Variants in ATP9B observed in about 807,000 individuals in gnomAD.
The protein encoded by ATP9B is probable phospholipid-transporting ATPase IIB.
Under a neutral mutation model 146.1 loss-of-function variants are expected in ATP9B, and 110 were observed. The observed-to-expected ratio is 0.75, with a 90% CI of 0.65 to 0.88. The LOEUF (loss-of-function observed/expected upper bound fraction) is 0.88. Ranked by LOEUF, ATP9B falls within the 40% of genes least tolerant of loss-of-function variation. The probability of loss-of-function intolerance (pLI) is 0.00; values close to 1 mark genes in which losing one functional copy is unlikely to be tolerated. For missense variants in ATP9B, 1,499 were observed against 1,496.4 expected, an observed-to-expected ratio of 1.00 and a Z score of -0.03; for synonymous variants, 604 against 569.7, an observed-to-expected ratio of 1.06 and a Z score of -0.86.
Position 79,069,438 on chromosome 18 carries a change from G to C in ATP9B, c.28G>C (p.Val10Leu), listed in dbSNP as rs1430123096. Reference sequence around the variant, plus strand: ...GGCGGACCAGATCCCGCTTTACCCGGTGCGTAGCGCAGCGGCGGCCGCAGC... The same window carrying C: ...GGCGGACCAGATCCCGCTTTACCCGCTGCGTAGCGCAGCGGCGGCCGCAGC... The part of the protein sequence containing the change: MADQIPLYP[V>L]RSAAAAAANR... Residue 10 changes from valine to leucine, a missense_variant, in exon 1 of 30, where the codon GTG (valine) becomes CTG (leucine). By Grantham distance (32) the Val-to-Leu change is conservative. Transcript: ENST00000426216. 3 of 1,521,540 alleles carry C rather than the reference G, an allele frequency of 2.0e-6. No individual in the cohort carries two copies. The highest frequency in any genetic ancestry group is 2.6e-6 in the Non-Finnish European group (3 of 1,138,398). The allele number at this position is 1,521,540 out of a possible 1,614,324, so 94.3% of individuals were successfully genotyped here.
chr18:79,363,612 G>T (rs937754448), intron 26 of ATP9B: 3 of 152,096 alleles, frequency 2.0e-5, no homozygotes, highest in African/African-American at 7.2e-5. Flanking sequence ...TTTGAGAGAC[G>T]TAAACTGATG....
chr18:79,175,214 GAA>G (rs1199426278), intron 7 of ATP9B, among the ~76,000 whole-genome samples: 2 of 132,280 alleles, frequency 1.5e-5, no homozygotes, highest in African/African-American at 5.7e-5. Context: ...AAAAAAAAAA[GAA>G]AAAAAAAAAC....
chr18:79,185,446 TC>T (rs1785781336), intron 8 of ATP9B, among the ~76,000 whole-genome samples: 1 of 152,222 alleles, frequency 6.6e-6, no homozygotes, highest in East Asian at 1.9e-4. Context: ...TTTAACATTT[TC>T]GTGGCCAGTA....
intron 11 of ATP9B, among the ~76,000 whole-genome samples, chr18:79,215,632 C>G (rs913645828): frequency 6.6e-6 from 1 of 152,012 alleles, no homozygotes; most frequent in Admixed American, 6.6e-5. Context: ...GAATCACATA[C>G]GTATTTATAT....
intron 11 of ATP9B, among the ~76,000 whole-genome samples, chr18:79,237,420 C>T (rs994548223): frequency 1.2e-4 from 18 of 152,388 alleles, no homozygotes; most frequent in Admixed American, 7.8e-4. Context: ...TCAGTGTCCA[C>T]GCACAGTGGG....
intron 5 of ATP9B, among the ~76,000 whole-genome samples, chr18:79,139,269 T>A (rs1269704485): frequency 6.6e-6 from 1 of 152,248 alleles, no homozygotes; most frequent in Non-Finnish European, 1.5e-5. Flanking sequence ...GTTAATTTTT[T>A]ATAGTAAATC....
intron 25 of ATP9B, chr18:79,354,537 C>T (rs918469260): frequency 3.7e-5 from 5 of 136,840 alleles, no homozygotes; most frequent in African/African-American, 5.6e-5. Flanking sequence ...CCATTGTACT[C>T]CAGCCTGGGC....
At position 79,126,372 on chromosome 18, in the gene ATP9B, A is replaced by G. The variant is rs1568231407; in HGVS notation, c.664A>G (p.Arg222Gly). The stretch of plus-strand genomic sequence containing the variant: ...ACAACTATATAGCAAGCTTACAGTA[A>G]GAGGTCAGCAAGATGCTTTAATCCT... ...NSQLYSKLTV[R>G]GKVQVKSSDI... Residue 222 changes from arginine to glycine, a missense_variant, in exon 5 of 30, where the codon AGA (arginine) becomes GGA (glycine). By Grantham distance (125) the Arg-to-Gly change is moderately radical. Coordinates refer to ENST00000426216, the MANE Select transcript of ATP9B (RefSeq NM_198531.5). 1 of 1,606,466 alleles carries G rather than the reference A, an allele frequency of 6.2e-7. No homozygotes were observed. Among genetic ancestry groups the G allele is most frequent in the Non-Finnish European group, 8.5e-7 (1 of 1,174,588 alleles).
At chr18:79,261,276 A>T (rs1021792955) in intron 12 of ATP9B, among the ~76,000 whole-genome samples, 2 of 152,206 alleles carry the variant, frequency 1.3e-5, no homozygotes, top group Non-Finnish European at 2.9e-5. Flanking sequence ...ACATGTGCCC[A>T]TATGAAATCT....
At chr18:79,191,321 TA>T (rs1407236682) in intron 8 of ATP9B, among the ~76,000 whole-genome samples, 14 of 152,202 alleles carry the variant, frequency 9.2e-5, no homozygotes, top group African/African-American at 3.1e-4. Flanking sequence ...TTTATGTGTT[TA>T]GGGGTTTTCT....
chr18:79,077,731 A>G (rs868822853), intron 1 of ATP9B, among the ~76,000 whole-genome samples: 46 of 152,302 alleles, frequency 3.0e-4, no homozygotes, highest in Middle Eastern at 6.8e-3. Flanking sequence ...ACAGCAACCA[A>G]TCATAAGGGG....
intron 26 of ATP9B, among the ~76,000 whole-genome samples, chr18:79,367,322 C>T (rs113815146): frequency 0.019 from 1,238 of 64,052 alleles, no homozygotes; most frequent in East Asian, 0.057. Flanking sequence ...ACCGTGTGTA[C>T]GCAGAGAAAG....
chr18:79,270,268 A>G (rs2096242151), intron 12 of ATP9B, among the ~76,000 whole-genome samples: 1 of 151,852 alleles, frequency 6.6e-6, no homozygotes, highest in South Asian at 2.1e-4. Flanking sequence ...ATTTATATTT[A>G]TATGCACACA....
At position 79,307,151 on chromosome 18, in the gene ATP9B, G is replaced by A. The variant is rs752261157; in HGVS notation, c.1690G>A (p.Val564Ile). The change falls in exon 15 of 30, where the codon GTT (valine) becomes ATT (isoleucine). Residue 564 changes from valine (V) to isoleucine (I), a missense_variant. Transcript: ENST00000426216. ...VTPVYESRAG[V>I]TEETEFAEAD... is the part of the protein sequence containing the mutation. ...CCCCGTGTATGAGTCTCGGGCCGGC[G>A]TTACTGAGGAGACTGAGTTCGCAGA... 22 of 1,614,100 alleles carry A rather than the reference G, an allele frequency of 1.4e-5. No homozygotes were observed. The highest frequency in any genetic ancestry group is 3.3e-5 in the Admixed American group (2 of 60,012).
rs4799036 is a variant in ATP9B at position 79,336,040 on chromosome 18, T to A, written c.2029-588T>A. ...GTCCCCAGCACCGCCGTGTGCACCC[T>A]CCATGCCCTCCCTGGCACCAGGTGC... On this transcript the variant is annotated intron_variant, in intron 17 of 29. Coordinates refer to ENST00000426216, the MANE Select transcript of ATP9B (RefSeq NM_198531.5). Among the ~76,000 whole-genome samples the A allele has an allele frequency of 9.2e-3, 1,171 of 127,818 alleles. 6 individuals are homozygous for A. Among genetic ancestry groups the A allele is most frequent in the Non-Finnish European group, 0.014 (831 of 59,624 alleles). The allele number at this position is 127,818 out of a possible 152,430, so 83.9% of individuals were successfully genotyped here.
At chr18:79,311,418 A>G (rs911298495) in intron 15 of ATP9B, among the ~76,000 whole-genome samples, 3 of 152,172 alleles carry the variant, frequency 2.0e-5, no homozygotes, top group Non-Finnish European at 2.9e-5. Flanking sequence ...GGGGACAGAT[A>G]TAAACATCCC....
chr18:79,073,608 C>A (rs2072236780), intron 1 of ATP9B, among the ~76,000 whole-genome samples: 1 of 151,952 alleles, frequency 6.6e-6, no homozygotes, highest in South Asian at 2.1e-4. Context: ...CAGAGGGAGA[C>A]CGTGGAAAGC....
chr18:79,210,360 A>ACATGGCACC (rs1296366239), intron 10 of ATP9B, among the ~76,000 whole-genome samples: 1 of 152,166 alleles, frequency 6.6e-6, no homozygotes, highest in Non-Finnish European at 1.5e-5. Flanking sequence ...ATGTGGACCC[A>ACATGGCACC]CGCCTGGGTG....
At chr18:79,331,709 G>A (rs1224793193) in intron 17 of ATP9B, among the ~76,000 whole-genome samples, 1 of 150,610 alleles carries the variant, frequency 6.6e-6, no homozygotes. Context: ...CTTGTCAAAT[G>A]TTTAAAAAAA....
Sources: gnomAD v4.1 joint callset for allele counts (sites outside exome capture counted in the v4.1 genomes callset) on GRCh38, gnomAD v4.1.1 for gene constraint, MANE v1.5 for transcripts, NCBI Gene and HGNC (gene_info 2026-07-23, HGNC 2026-07-21) for gene names.